ADORA1: variants seen among roughly 807,000 people sequenced by gnomAD.
ADORA1 encodes the protein adenosine A1 receptor.
Under a neutral mutation model 19.9 loss-of-function variants are expected in ADORA1, and 6 were observed. The ratio of observed to expected loss-of-function variants is 0.30; its 90% CI spans 0.17 to 0.59. The LOEUF is 0.59. Ranked by LOEUF, ADORA1 falls within the 20% of genes least tolerant of loss-of-function variation. The pLI, the probability that ADORA1 is intolerant of heterozygous loss-of-function variation, is 0.87. For missense variants in ADORA1, 302 were observed against 439.2 expected (o/e 0.69, Z 2.79); for synonymous variants, 194 against 188.4 (o/e 1.03, Z -0.24).
intron 3 of ADORA1, among the ~76,000 whole-genome samples, chr1:203,159,423 C>T (rs1166232692): frequency 6.6e-6 from 1 of 152,234 alleles, no homozygotes; most frequent in Non-Finnish European, 1.5e-5. Context: ...ACCCCTGAGG[C>T]TCCTTCACAC....
At chr1:203,129,209 G>A (rs1654254291) in intron 3 of ADORA1, 27 bp downstream of exon 3, 2 of 1,582,422 alleles carry the variant, frequency 1.3e-6, no homozygotes, top group African/African-American at 1.3e-5. Context: ...GAAGGTACTC[G>A]CAGCACCACA....
chr1:203,165,868 G>C lies in ADORA1; in HGVS notation c.949G>C (p.Glu317Gln). 6.3e-7 allele frequency: 1 copy of C among 1,580,404 alleles called. No homozygotes were observed. Among genetic ancestry groups the C allele is most frequent in the Non-Finnish European group, 8.6e-7 (1 of 1,162,730 alleles). Residue 317 changes from glutamate (E) to glutamine (Q), a missense_variant, in exon 4 of 4, where the codon GAG (glutamate) becomes CAG (glutamine). Transcript: ENST00000337894. This position sits in a 1 kb window ranked among gnomAD's most constrained non-coding sequence, Gnocchi z 5.9. ...CTGCCAGCCTGCACCTCCCATTGAC[G>C]AGGATCTCCCAGAAGAGAGGCCTGA... is the stretch of plus-strand genomic sequence containing the variant. Reference protein sequence around the residue: ...FRCQPAPPIDEDLPEERPDD With the variant: ...FRCQPAPPIDQDLPEERPDD
In ADORA1 at chr1:203,128,793, C is replaced by T; in HGVS notation, c.-49C>T. 6.5e-7 allele frequency: 1 copy of T among 1,548,090 alleles called. No individual in the cohort carries two copies. The highest frequency in any genetic ancestry group is 8.7e-7 in the Non-Finnish European group (1 of 1,151,176). On this transcript the variant is annotated 5_prime_UTR_variant, in exon 3 of 4. Coordinates refer to ENST00000337894, the MANE Select transcript of ADORA1 (RefSeq NM_000674.3). This position sits in a 1 kb window ranked among gnomAD's most constrained non-coding sequence, Gnocchi z 5.9. The stretch of plus-strand genomic sequence containing the variant: ...CTTCCCTGACCACACAGGTGCTTGC[C>T]TCGTGCCCCTTGGTGCCCGTCTGCT...
At chr1:203,130,138 G>A (rs2102733015) in intron 3 of ADORA1, among the ~76,000 whole-genome samples, 1 of 152,306 alleles carries the variant, frequency 6.6e-6, no homozygotes, top group African/African-American at 2.4e-5. Flanking sequence ...GGGGAGCTCT[G>A]GCCATCTCCA....
At chr1:203,149,725 ATGT>A (rs960810887) in intron 3 of ADORA1, among the ~76,000 whole-genome samples, 6 of 151,754 alleles carry the variant, frequency 4.0e-5, no homozygotes, top group Admixed American at 1.3e-4. Flanking sequence ...GCCAGGGGGG[ATGT>A]TGTTGTTGAG....
intron 3 of ADORA1, among the ~76,000 whole-genome samples, chr1:203,141,109 C>T (rs75843612): frequency 0.015 from 2,091 of 142,944 alleles, 62 homozygotes; most frequent in African/African-American, 0.05. Flanking sequence ...AAGCAGGCAT[C>T]ACCAAGTGTC....
chr1:203,128,699 A>ACAGGGTACCTGGAGTTC lies in ADORA1; in HGVS notation c.-57-80_-57-64dup. ...CTGCATGTGACAAGTGGGACACATC[A>ACAGGGTACCTGGAGTTC]CAGGGTACCTGGAGTTCCAGGGCAG... On this transcript the variant is annotated intron_variant, in intron 2 of 3. Coordinates refer to ENST00000337894, the MANE Select transcript of ADORA1 (RefSeq NM_000674.3). The surrounding 1 kb of genome is among the most constrained non-coding windows in gnomAD (Gnocchi z 5.9). 6.9e-7 allele frequency: 1 copy of ACAGGGTACCTGGAGTTC among 1,441,942 alleles called. No homozygotes were observed. The highest frequency in any genetic ancestry group is 9.2e-7 in the Non-Finnish European group (1 of 1,089,452). The allele number at this position is 1,441,942 out of a possible 1,614,324, so 89.3% of individuals were successfully genotyped here.
At chr1:203,142,355 C>T (rs758021031) in intron 3 of ADORA1, among the ~76,000 whole-genome samples, 4 of 152,314 alleles carry the variant, frequency 2.6e-5, no homozygotes, top group East Asian at 1.9e-4. Context: ...ACACCTAACA[C>T]GTGTCTGACT....
At chr1:203,130,993 C>A (rs1558125864) in intron 3 of ADORA1, among the ~76,000 whole-genome samples, 1 of 152,234 alleles carries the variant, frequency 6.6e-6, no homozygotes. Context: ...ACTTACCTAA[C>A]CGCTTTAAGC....
rs1375208920 is a variant in ADORA1, at chr1:203,166,957, G to A, written c.*1057G>A. On this transcript the variant is annotated 3_prime_UTR_variant, in exon 4 of 4. Transcript: ENST00000337894. ...GGTTTAGCAGGCTGCAGCAGGCAGAGGAGAGTACCCCCCTGAGAGCATGTG... is the reference window on the plus strand; with the variant it reads ...GGTTTAGCAGGCTGCAGCAGGCAGAAGAGAGTACCCCCCTGAGAGCATGTG... 6.6e-6 allele frequency: 1 copy of A among 152,628 alleles called. No individual in the cohort carries two copies. The highest frequency in any genetic ancestry group is 2.4e-5 in the African/African-American group (1 of 41,454). The allele number at this position is 152,628 out of a possible 1,614,324, so 9.5% of individuals were successfully genotyped here.
rs1036780078 is a variant in ADORA1, at chr1:203,166,663, G to T, written c.*763G>T. On this transcript the variant is annotated 3_prime_UTR_variant, in exon 4 of 4. Coordinates refer to ENST00000337894, the MANE Select transcript of ADORA1 (RefSeq NM_000674.3). ...GGTGCTGGCCTCAAACAGCCACGAG[G>T]TGGTAGCTCTGAGCCCTCCTTCTTG... The T allele has an allele frequency of 1.3e-5, 2 of 152,406 alleles. No individual in the cohort carries two copies. Among genetic ancestry groups the T allele is most frequent in the African/African-American group, 4.8e-5 (2 of 41,410 alleles). 9.4% of individuals were successfully genotyped at this position (152,406 alleles called of 1,614,324 possible).
At chr1:203,130,901 G>C (rs1654311119) in intron 3 of ADORA1, among the ~76,000 whole-genome samples, 1 of 152,212 alleles carries the variant, frequency 6.6e-6, no homozygotes, top group Non-Finnish European at 1.5e-5. Context: ...TGTCCTTTGA[G>C]GGTGGAGGCA....
At chr1:203,144,957 A>C (rs1368406097) in intron 3 of ADORA1, 2 of 152,358 alleles carry the variant, frequency 1.3e-5, no homozygotes, top group Non-Finnish European at 2.9e-5. Context: ...CTCATCCTCA[A>C]CGGGTTCAAG....
At chr1:203,135,844 C>T (rs1654488014) in intron 3 of ADORA1, among the ~76,000 whole-genome samples, 1 of 152,132 alleles carries the variant, frequency 6.6e-6, no homozygotes, top group Non-Finnish European at 1.5e-5. Context: ...CCAACTCTCC[C>T]TTCTCCCTCC....
intron 3 of ADORA1, among the ~76,000 whole-genome samples, chr1:203,140,732 C>T (rs1401942356): frequency 6.6e-6 from 1 of 152,224 alleles, no homozygotes; most frequent in Non-Finnish European, 1.5e-5. Context: ...GGGACCACAG[C>T]AGTAGGAACA....
At chr1:203,151,520 T>C (rs997980008) in intron 3 of ADORA1, among the ~76,000 whole-genome samples, 1 of 152,140 alleles carries the variant, frequency 6.6e-6, no homozygotes, top group African/African-American at 2.4e-5. Flanking sequence ...TCTTCAAGGG[T>C]CGATTGTGTA....
Position 203,129,015 on chromosome 1 carries a change from G to A in ADORA1, c.174G>A (p.Val58=). The A allele has an allele frequency of 6.2e-7, 1 of 1,614,118 alleles. No individual in the cohort carries two copies. The highest frequency in any genetic ancestry group is 1.3e-5 in the African/African-American group (1 of 75,006). ...IVSLAVADVA[V]GALVIPLAIL... is the part of the protein sequence containing the mutation. ...CGCTGGCGGTGGCTGATGTGGCCGT[G>A]GGTGCCCTGGTCATCCCCCTCGCCA... The change falls in exon 3 of 4, where the codon GTG becomes GTA. Residue 58 remains valine, a synonymous_variant. Transcript: ENST00000337894.
chr1:203,150,951 C>T (rs1362935546), intron 3 of ADORA1, among the ~76,000 whole-genome samples: 1 of 152,182 alleles, frequency 6.6e-6, no homozygotes, highest in African/African-American at 2.4e-5. Context: ...TCAAGAGGCA[C>T]CTCCTCTTGT....
At chr1:203,163,774 G>A (rs1655445255) in intron 3 of ADORA1, among the ~76,000 whole-genome samples, 1 of 152,140 alleles carries the variant, frequency 6.6e-6, no homozygotes, top group African/African-American at 2.4e-5. Context: ...GATGGTGAAG[G>A]ATCTAGGAGA....
Sources: allele counts gnomAD v4.1 joint callset (sites outside exome capture counted in the v4.1 genomes callset), GRCh38; gene constraint gnomAD v4.1.1; non-coding constraint Gnocchi (gnomAD v3.1); transcripts MANE v1.5; gene names NCBI Gene and HGNC (gene_info 2026-07-23, HGNC 2026-07-21).